The following URB1 variants were observed in gnomAD, a reference collection of about 807,000 sequenced individuals.
URB1 encodes URB1 ribosome biogenesis factor, also known as nucleolar pre-ribosomal-associated protein 1.
In URB1, 197 loss-of-function variants were observed where a neutral mutation model predicts 242.3. The ratio of observed to expected loss-of-function variants is 0.81; its 90% CI spans 0.72 to 0.91. The LOEUF (loss-of-function observed/expected upper bound fraction) is 0.91. URB1 is among the 40% of genes least tolerant of loss of function. The pLI is 0.00. For synonymous variants in URB1, 1,153 were observed against 1,201.8 expected (o/e 0.96, Z 0.84); for missense variants, 2,721 against 2,860.5 (o/e 0.95, Z 1.11).
Position 32,314,527 on chromosome 21 carries a change from AT to A in URB1, c.*390del, listed in dbSNP as rs777945653. The stretch of plus-strand genomic sequence containing the variant: ...ATCTCTCTTCGTTTTCATAAAAAAA[AT>A]CTGATACCTTTTGACATTTCAGCTT... On this transcript the variant is annotated 3_prime_UTR_variant, in exon 39 of 39. Transcript: ENST00000382751. The A allele has an allele frequency of 8.3e-5, 133 of 1,604,378 alleles. No individual in the cohort carries two copies. Among genetic ancestry groups the A allele is most frequent in the Non-Finnish European group, 1.1e-4 (130 of 1,171,148 alleles).
In URB1 at chr21:32,312,228, T is replaced by G. The variant is rs1028323797; in HGVS notation, c.*2690A>C. ...TATTGAGCACACCTAGCCTGCTTGC[T>G]TACTGCTTATATTTGCTCAGGGAAG... On this transcript the variant is annotated 3_prime_UTR_variant, in exon 39 of 39. Coordinates refer to ENST00000382751, the MANE Select transcript of URB1 (RefSeq NM_014825.3). 3.5e-6 allele frequency: 5 copies of G among 1,443,158 alleles called. No individual in the cohort carries two copies. In the African/African-American group the frequency reaches 7.1e-5, roughly 21 times the overall value. 89.4% of individuals were successfully genotyped at this position (1,443,158 alleles called of 1,614,324 possible).
intron 35 of URB1, among the ~76,000 whole-genome samples, chr21:32,319,876 A>T (rs1161927403): frequency 2.0e-5 from 3 of 152,168 alleles, no homozygotes; most frequent in Non-Finnish European, 4.4e-5. Context: ...AAATGCTTTT[A>T]AAAAAATGCA....
At chr21:32,316,252 G>A (rs2032683187) in intron 38 of URB1, among the ~76,000 whole-genome samples, 1 of 152,238 alleles carries the variant, frequency 6.6e-6, no homozygotes, top group Non-Finnish European at 1.5e-5. Flanking sequence ...GGTTTCCCCT[G>A]CAAGCAAAGG....
chr21:32,392,178 G>A (rs754812827), intron 1 of URB1, among the ~76,000 whole-genome samples: 1 of 152,198 alleles, frequency 6.6e-6, no homozygotes, highest in Non-Finnish European at 1.5e-5. Flanking sequence ...CCCAAACCAT[G>A]TTACTTTCCA....
Position 32,334,169 on chromosome 21 carries a change from G to A in URB1, c.4851C>T (p.Pro1617=), listed in dbSNP as rs748311908. 1.3e-6 allele frequency: 2 copies of A among 1,544,930 alleles called. No homozygotes were observed. Among genetic ancestry groups the A allele is most frequent in the South Asian group, 2.4e-5 (2 of 83,612 alleles). ...AGAACAGCAGCAGCCCAACCTCGGG[G>A]GGCAGCAGCCTCCGGTTCTGGGGGA... ...LHFPQNRRLL[P]PEDTQELIFK... The change falls in exon 29 of 39, where the codon CCC becomes CCT. Residue 1617 remains proline, a synonymous_variant. Coordinates refer to ENST00000382751, the MANE Select transcript of URB1 (RefSeq NM_014825.3).
chr21:32,358,192 C>A (rs1170872912), intron 14 of URB1, among the ~76,000 whole-genome samples: 1 of 152,128 alleles, frequency 6.6e-6, no homozygotes, highest in Non-Finnish European at 1.5e-5. Context: ...GTCCCAGGGG[C>A]CCAGCTTACA....
chr21:32,341,398 G>A, intron 25 of URB1, 68 bp downstream of exon 25: 1 of 1,453,142 alleles, frequency 6.9e-7, no homozygotes, highest in South Asian at 1.2e-5. Context: ...AGCTATAAAA[G>A]AGGCTTTGCA....
chr21:32,389,459 A>G (rs1055779674), intron 1 of URB1, among the ~76,000 whole-genome samples: 1 of 152,192 alleles, frequency 6.6e-6, no homozygotes, highest in African/African-American at 2.4e-5. Context: ...GGCTGCAGGG[A>G]AGCAACAGCA....
rs777138279 is a variant in URB1, at chr21:32,350,725, G to A, written c.2811C>T (p.Ser937=). ...AAKQVLLYLR[S]TVENFGQLGR... is the part of the protein sequence containing the mutation. ...TGACCTGGCCGAAGTTCTCCACAGT[G>A]CTCCGCAGGTAGAGCAACACCTGCT... The change falls in exon 20 of 39, where the codon AGC becomes AGT. Residue 937 remains serine, a synonymous_variant. Coordinates refer to ENST00000382751, the MANE Select transcript of URB1 (RefSeq NM_014825.3). The A allele has an allele frequency of 1.6e-5, 25 of 1,551,486 alleles. No homozygotes were observed. Among genetic ancestry groups the A allele is most frequent in the Non-Finnish European group, 2.0e-5 (23 of 1,146,992 alleles).
chr21:32,354,218 T>G (rs1226831957), intron 17 of URB1, 115 bp from the exon 18 acceptor site: 1 of 1,178,268 alleles, frequency 8.5e-7, no homozygotes, highest in Non-Finnish European at 1.2e-6. Flanking sequence ...GCCAAATTCC[T>G]CTTGGGGGGA....
chr21:32,392,734 T>C, intron 1 of URB1, 35 bp downstream of exon 1: 1 of 1,392,862 alleles, frequency 7.2e-7, no homozygotes, highest in Non-Finnish European at 9.3e-7. Flanking sequence ...CGCCAGCCTG[T>C]GCTCCCGACC....
intron 4 of URB1, among the ~76,000 whole-genome samples, chr21:32,380,664 T>C (rs1011823817): frequency 6.6e-6 from 1 of 152,210 alleles, no homozygotes; most frequent in Non-Finnish European, 1.5e-5. Context: ...ATTGTTCAAA[T>C]AAACATACCA....
At position 32,319,231 on chromosome 21, in the gene URB1, G is replaced by T. The variant is rs772920524; in HGVS notation, c.5778C>A (p.Leu1926=). ...VNEFLYVLIV[L]MKHLRPTLAP... is the part of the protein sequence containing the mutation. Reference sequence around the variant, plus strand: ...GCAGGACTCACCTCAGGTGCTTCATGAGCACGATGAGAACATAAAGGAACT... The same window carrying T: ...GCAGGACTCACCTCAGGTGCTTCATTAGCACGATGAGAACATAAAGGAACT... The change falls in exon 36 of 39, where the codon CTC becomes CTA. Residue 1926 remains leucine, a synonymous_variant. Coordinates refer to ENST00000382751, the MANE Select transcript of URB1 (RefSeq NM_014825.3). The T allele has an allele frequency of 6.5e-7, 1 of 1,550,160 alleles. No homozygotes were observed.
Position 32,321,927 on chromosome 21 carries a change from C to A in URB1, c.5358G>T (p.Lys1786Asn), listed in dbSNP as rs1194255764. 6.4e-7 allele frequency: 1 copy of A among 1,551,472 alleles called. No individual in the cohort carries two copies. Among genetic ancestry groups the A allele is most frequent in the East Asian group, 2.4e-5 (1 of 40,916 alleles). The change falls in exon 34 of 39, where the codon AAG (lysine) becomes AAT (asparagine). Residue 1786 changes from lysine to asparagine, a missense_variant. Coordinates refer to ENST00000382751, the MANE Select transcript of URB1 (RefSeq NM_014825.3). ...CCTGCCGCAGAACGCCAAACACCCA[C>A]TTCTGCTCTGTTTTTTGCTATAACC... The part of the protein sequence containing the change: ...SSDFEQKTEQ[K>N]WVFGVLRQGI...
In URB1 at chr21:32,337,522, A is replaced by T; in HGVS notation, c.4511-8T>A. On this transcript the variant is annotated splice_polypyrimidine_tract_variant and splice_region_variant and intron_variant, in intron 26 of 38. Transcript: ENST00000382751. The stretch of plus-strand genomic sequence containing the variant: ...TCAGGTCCACCAGCGCTTCTGCAAG[A>T]AAACAACCCTGAAACACATGGCATG... 2 of 1,551,324 alleles carry T rather than the reference A, an allele frequency of 1.3e-6. No individual in the cohort carries two copies. Among genetic ancestry groups the T allele is most frequent in the Non-Finnish European group, 1.7e-6 (2 of 1,146,674 alleles).
Position 32,368,056 on chromosome 21 carries a change from C to T in URB1, c.1197+347G>A, listed in dbSNP as rs560585026. 4.0e-4 allele frequency among the ~76,000 whole-genome samples: 61 copies of T among 152,190 alleles called. 1 individual carries two copies. The highest frequency in any genetic ancestry group is 5.9e-5 in the Non-Finnish European group (4 of 68,000). ...TGCCTGTCCCCTAACTCCCTATGCC[C>T]CCCTACCTAGCTAACAGACTTATTT... is the stretch of plus-strand genomic sequence containing the variant. On this transcript the variant is annotated intron_variant, in intron 9 of 38. Transcript: ENST00000382751.
chr21:32,333,333 A>AT lies in URB1; in HGVS notation c.4943_4944insA (p.Ser1648ArgfsTer2). ...TGCAGTTACCTGGCCTGGTCAGCTC[A>AT]CTGAAGAGCTGAAGGAGAAAGCAGG... is the stretch of plus-strand genomic sequence containing the variant. On this transcript the variant is annotated frameshift_variant, in exon 30 of 39. Transcript: ENST00000382751. LOFTEE classifies it high-confidence loss of function. 1 of 1,551,730 alleles carries AT rather than the reference A, an allele frequency of 6.4e-7. No homozygotes were observed. The highest frequency in any genetic ancestry group is 8.7e-7 in the Non-Finnish European group (1 of 1,146,856).
chr21:32,344,441 C>T, intron 24 of URB1, 129 bp downstream of exon 24: 1 of 1,016,360 alleles, frequency 9.8e-7, no homozygotes, highest in East Asian at 2.6e-5. Flanking sequence ...CTGCCCCAGA[C>T]ACAGCCCCTC....
chr21:32,311,730 A>C lies in URB1; in HGVS notation c.*3188T>G. 1.2e-6 allele frequency: 2 copies of C among 1,614,074 alleles called. No homozygotes were observed. The highest frequency in any genetic ancestry group is 8.5e-7 in the Non-Finnish European group (1 of 1,179,998). The stretch of plus-strand genomic sequence containing the variant: ...AACATGCCCCTGGAGTCACGGCCTC[A>C]ACCTCCACCTCTGCATCCAGAAGTG... On this transcript the variant is annotated 3_prime_UTR_variant, in exon 39 of 39. Coordinates refer to ENST00000382751, the MANE Select transcript of URB1 (RefSeq NM_014825.3).
Sources: gnomAD v4.1 joint callset for allele counts (sites outside exome capture counted in the v4.1 genomes callset) on GRCh38, gnomAD v4.1.1 for gene constraint, MANE v1.5 for transcripts, NCBI Gene and HGNC (gene_info 2026-07-23, HGNC 2026-07-21) for gene names.